MTMR2: variants seen among roughly 807,000 people sequenced by gnomAD.
MTMR2 encodes the protein myotubularin related protein 2, also known as phosphatidylinositol-3,5-bisphosphate 3-phosphatase MTMR2.
MTMR2 carries 55 observed loss-of-function variants against 86.9 expected under a neutral mutation model. That is an observed-to-expected ratio of 0.63 (90% CI 0.51 to 0.79). The LOEUF is 0.79. Ranked by LOEUF, MTMR2 falls within the 30% of genes least tolerant of loss-of-function variation. The pLI, the probability that MTMR2 is intolerant of heterozygous loss-of-function variation, is 0.00. For missense variants in MTMR2, 659 were observed against 772.3 expected, an observed-to-expected ratio of 0.85 and a Z score of 1.74; for synonymous variants, 241 against 266.8, an observed-to-expected ratio of 0.90 and a Z score of 0.94.
chr11:95,888,093 T>C (rs182038639), intron 2 of MTMR2, 63 bp downstream of exon 2: 144 of 1,177,908 alleles, frequency 1.2e-4, no homozygotes, highest in Non-Finnish European at 1.7e-4. Context: ...GTTATATTGA[T>C]AGTGTTGGCC....
In MTMR2 at chr11:95,847,881, C is replaced by A; in HGVS notation, c.1012G>T (p.Glu338Ter). The change falls in exon 10 of 15, where the codon GAA (glutamate) becomes TAA (stop). Residue 338 changes from glutamate to a stop codon, truncating the protein, a stop_gained. Transcript: ENST00000346299. LOFTEE classifies it high-confidence loss of function. ...GCATTTTGATAGGCATCTTCACTTT[C>A]ATAACCTCCACCCTTTGCCTGGAAA... ...VANKAKGGGYESEDAYQNAEL... is the reference protein window; with the variant it reads ...VANKAKGGGY 1 of 1,613,690 alleles carries A rather than the reference C, an allele frequency of 6.2e-7. No homozygotes were observed. The highest frequency in any genetic ancestry group is 8.5e-7 in the Non-Finnish European group (1 of 1,179,720).
chr11:95,845,475 C>G (rs1228765991), intron 10 of MTMR2, among the ~76,000 whole-genome samples: 2 of 152,020 alleles, frequency 1.3e-5, no homozygotes, highest in African/African-American at 4.8e-5. Flanking sequence ...TTCTAAGAAT[C>G]AAATATTCCA....
intron 2 of MTMR2, among the ~76,000 whole-genome samples, chr11:95,877,329 GCC>G (rs201275461): frequency 1.4e-4 from 6 of 41,628 alleles, no homozygotes; most frequent in Admixed American, 2.3e-4. Context: ...GCACAGGGAA[GCC>G]CTTTTTTTTT....
Position 95,834,190 on chromosome 11 carries a change from T to TAGAC in MTMR2, c.*1096_*1099dup, listed in dbSNP as rs1863149847. On this transcript the variant is annotated 3_prime_UTR_variant, in exon 15 of 15. Coordinates refer to ENST00000346299, the MANE Select transcript of MTMR2 (RefSeq NM_016156.6). ...CATATGGCTCTTATGTAGAATAAAA[T>TAGAC]AGACATCAGAGTCAAATGTTTCTAC... is the stretch of plus-strand genomic sequence containing the variant. 6.6e-6 allele frequency: 1 copy of TAGAC among 152,500 alleles called. No individual in the cohort carries two copies. The highest frequency in any genetic ancestry group is 2.1e-4 in the South Asian group (1 of 4,834). 9.4% of individuals were successfully genotyped at this position (152,500 alleles called of 1,614,324 possible).
intron 9 of MTMR2, among the ~76,000 whole-genome samples, chr11:95,848,731 C>A (rs900603618): frequency 2.0e-5 from 3 of 152,072 alleles, no homozygotes; most frequent in African/African-American, 4.8e-5. Context: ...AACAACAAAA[C>A]CACCAACTCA....
chr11:95,873,242 T>G (rs1029074607), intron 2 of MTMR2, among the ~76,000 whole-genome samples: 1 of 152,170 alleles, frequency 6.6e-6, no homozygotes, highest in Non-Finnish European at 1.5e-5. Flanking sequence ...GGTCCTGGAC[T>G]TTTTTTGGTT....
chr11:95,856,775 A>G (rs1864232013), intron 7 of MTMR2, among the ~76,000 whole-genome samples: 1 of 152,038 alleles, frequency 6.6e-6, no homozygotes, highest in Admixed American at 6.6e-5. Context: ...TGCTCCTGGG[A>G]CAGCAATTTC....
chr11:95,915,086 T>C (rs1378582391), intron 1 of MTMR2, among the ~76,000 whole-genome samples: 1 of 152,162 alleles, frequency 6.6e-6, no homozygotes, highest in Admixed American at 6.6e-5. Flanking sequence ...GTTTTCAGTG[T>C]TGCTATTTTG....
chr11:95,875,347 G>A (rs889086285), intron 2 of MTMR2, among the ~76,000 whole-genome samples: 1 of 151,700 alleles, frequency 6.6e-6, no homozygotes, highest in Non-Finnish European at 1.5e-5. Context: ...TCATTCATTT[G>A]ATCTTCCATC....
chr11:95,870,479 T>C (rs774033183), intron 2 of MTMR2, among the ~76,000 whole-genome samples: 13 of 152,202 alleles, frequency 8.5e-5, no homozygotes, highest in African/African-American at 1.7e-4. Flanking sequence ...TCTATGGTAA[T>C]AGAAATAAAG....
chr11:95,865,888 A>C (rs1162838663), intron 2 of MTMR2, among the ~76,000 whole-genome samples: 2 of 149,958 alleles, frequency 1.3e-5, no homozygotes, highest in African/African-American at 5.1e-5. Flanking sequence ...AAATCATATC[A>C]AAGCACTCTA....
At chr11:95,907,053 T>A (rs1433422124) in intron 1 of MTMR2, among the ~76,000 whole-genome samples, 1 of 151,558 alleles carries the variant, frequency 6.6e-6, no homozygotes, top group African/African-American at 2.4e-5. Flanking sequence ...ACAAAAAACA[T>A]ACAAAAGATC....
chr11:95,920,558 G>T (rs1449321180), intron 1 of MTMR2, among the ~76,000 whole-genome samples: 1 of 150,834 alleles, frequency 6.6e-6, no homozygotes, highest in Non-Finnish European at 1.5e-5. Flanking sequence ...GATATCATAT[G>T]AAGAATGAAA....
intron 2 of MTMR2, among the ~76,000 whole-genome samples, chr11:95,872,180 G>A (rs1782117920): frequency 6.6e-6 from 1 of 152,100 alleles, no homozygotes; most frequent in African/African-American, 2.4e-5. Context: ...AGCTTGATGG[G>A]GATGGCATTG....
chr11:95,841,483 G>T (rs879401092), intron 12 of MTMR2, 134 bp downstream of exon 12: 4 of 754,350 alleles, frequency 5.3e-6, no homozygotes, highest in Non-Finnish European at 9.6e-6. Flanking sequence ...ACAATAAATA[G>T]CTCTCACATG....
chr11:95,853,115 TTATATATG>T (rs1278986460), intron 7 of MTMR2, among the ~76,000 whole-genome samples: 2 of 149,282 alleles, frequency 1.3e-5, no homozygotes, highest in African/African-American at 4.9e-5. Flanking sequence ...TTCATATTTT[TTATATATG>T]TATATATCAT....
intron 1 of MTMR2, among the ~76,000 whole-genome samples, chr11:95,920,084 A>G (rs568051646): frequency 2.0e-5 from 3 of 152,324 alleles, no homozygotes; most frequent in Admixed American, 1.3e-4. Flanking sequence ...TATATCTTAT[A>G]AAGTCATACT....
intron 2 of MTMR2, among the ~76,000 whole-genome samples, chr11:95,878,753 G>A (rs1034293916): frequency 2.6e-5 from 4 of 151,948 alleles, no homozygotes; most frequent in Non-Finnish European, 5.9e-5. Flanking sequence ...GTGTCCTTCT[G>A]AGCTATACTT....
At chr11:95,850,831 ATCTC>A in intron 7 of MTMR2, 82 bp from the exon 8 acceptor site, 1 of 1,333,728 alleles carries the variant, frequency 7.5e-7, no homozygotes, top group African/African-American at 1.4e-5. Flanking sequence ...ATCCTGTTCA[ATCTC>A]TCTGACCTCT....
Sources: gnomAD v4.1 joint callset for allele counts (sites outside exome capture counted in the v4.1 genomes callset) on GRCh38, gnomAD v4.1.1 for gene constraint, MANE v1.5 for transcripts, NCBI Gene and HGNC (gene_info 2026-07-23, HGNC 2026-07-21) for gene names.